Variants in TSGA10 observed in about 807,000 individuals in gnomAD.
TSGA10 encodes testis specific 10.
A neutral mutation model predicts 96.6 loss-of-function variants in TSGA10; 43 were observed. The ratio of observed to expected loss-of-function variants is 0.44; its 90% confidence interval spans 0.35 to 0.57. TSGA10 has a LOEUF of 0.57. Ranked by LOEUF, TSGA10 falls within the 20% of genes least tolerant of loss-of-function variation. The pLI, the probability that TSGA10 is intolerant of heterozygous loss-of-function variation, is 0.01. For missense variants in TSGA10, 703 were observed against 834.4 expected, an observed-to-expected ratio of 0.84 and a Z score of 1.94; for synonymous variants, 229 against 269.9, an observed-to-expected ratio of 0.85 and a Z score of 1.48.
intron 12 of TSGA10, among the ~76,000 whole-genome samples, chr2:99,077,127 CTTTTTTTTT>C (rs35876721): frequency 4.8e-4 from 34 of 70,456 alleles, no homozygotes; most frequent in African/African-American, 1.8e-3. Context: ...GACCATTCAC[CTTTTTTTTT>C]TTTTTTTTTT....
At chr2:99,074,309 C>T (rs115223310) in intron 12 of TSGA10, among the ~76,000 whole-genome samples, 2,781 of 150,944 alleles carry the variant, frequency 0.018, 91 homozygotes, top group African/African-American at 0.065. Context: ...CCACTGCGCC[C>T]GGCCGTTCCT....
chr2:99,033,723 C>T (rs917933657), intron 17 of TSGA10, among the ~76,000 whole-genome samples: 4 of 151,916 alleles, frequency 2.6e-5, no homozygotes, highest in African/African-American at 9.7e-5. Flanking sequence ...ACCTGTAATC[C>T]CAGCTACTTG....
intron 1 of TSGA10, among the ~76,000 whole-genome samples, chr2:99,127,754 T>C (rs2092904812): frequency 6.6e-6 from 1 of 152,142 alleles, no homozygotes; most frequent in African/African-American, 2.4e-5. Flanking sequence ...CAAAGATCAG[T>C]AACATGGATA....
intron 20 of TSGA10, among the ~76,000 whole-genome samples, chr2:99,002,416 T>C (rs1432675774): frequency 6.6e-6 from 1 of 152,162 alleles, no homozygotes; most frequent in Non-Finnish European, 1.5e-5. Flanking sequence ...AATAAAATAC[T>C]TTACAGACAA....
At chr2:99,032,926 T>C (rs1280258111) in intron 17 of TSGA10, among the ~76,000 whole-genome samples, 1 of 152,188 alleles carries the variant, frequency 6.6e-6, no homozygotes, top group African/African-American at 2.4e-5. Flanking sequence ...CTTGTTTCTG[T>C]GTGATATATT....
intron 10 of TSGA10, chr2:99,102,255 G>T: frequency 6.2e-7 from 1 of 1,612,792 alleles, no homozygotes; most frequent in Non-Finnish European, 8.5e-7. Flanking sequence ...TGGTGGCAAA[G>T]CTACTTTGGT....
chr2:99,071,765 A>G lies in TSGA10; in HGVS notation c.1048T>C (p.Leu350=). 1 of 1,614,014 alleles carries G rather than the reference A, an allele frequency of 6.2e-7. No individual in the cohort carries two copies. The highest frequency in any genetic ancestry group is 1.3e-5 in the African/African-American group (1 of 75,028). Residue 350 remains leucine (L), a synonymous_variant, in exon 14 of 21, where the codon TTG becomes CTG. Coordinates refer to ENST00000393483, the MANE Select transcript of TSGA10 (RefSeq NM_025244.4). ...LAQIARERDI[L]AHDNDNLQEQ... The stretch of plus-strand genomic sequence containing the variant: ...TGGAGATTGTCATTGTCATGAGCCA[A>G]GATATCTCTTTCCCTGGCGATCTGG...
At chr2:99,094,561 AC>A (rs1395469409) in intron 10 of TSGA10, among the ~76,000 whole-genome samples, 1 of 152,236 alleles carries the variant, frequency 6.6e-6, no homozygotes, top group Non-Finnish European at 1.5e-5. Flanking sequence ...CAATAAAAAA[AC>A]AAACAATCCC....
At chr2:99,109,013 G>A in intron 6 of TSGA10, 22 bp from the exon 7 acceptor site, 1 of 1,468,474 alleles carries the variant, frequency 6.8e-7, no homozygotes. Flanking sequence ...TAAGGAATTT[G>A]AAATCTTCTT....
At chr2:99,046,594 G>C (rs564645535) in intron 16 of TSGA10, among the ~76,000 whole-genome samples, 1 of 152,280 alleles carries the variant, frequency 6.6e-6, no homozygotes, top group Admixed American at 6.5e-5. Context: ...GAAATTTATA[G>C]CATTAAATGC....
intron 20 of TSGA10, among the ~76,000 whole-genome samples, chr2:99,010,509 T>C (rs906352946): frequency 3.3e-5 from 5 of 152,184 alleles, no homozygotes; most frequent in African/African-American, 1.2e-4. Context: ...TTTAACCTTA[T>C]CTAGAGATGA....
intron 1 of TSGA10, among the ~76,000 whole-genome samples, chr2:99,144,001 T>C (rs1037955801): frequency 1.3e-5 from 2 of 149,340 alleles, no homozygotes; most frequent in Non-Finnish European, 3.0e-5. Context: ...GTTCCACAGC[T>C]CACTGATGCT....
chr2:99,140,637 A>AT (rs1169170647), intron 1 of TSGA10, among the ~76,000 whole-genome samples: 7 of 152,016 alleles, frequency 4.6e-5, no homozygotes, highest in African/African-American at 1.7e-4. Context: ...ATTATCTGAG[A>AT]TTTTCATGCA....
At position 99,071,807 on chromosome 2, in the gene TSGA10, T is replaced by A; in HGVS notation, c.1006A>T (p.Thr336Ser). ...VSRMRRQLDE[T>S]NDELAQIARE... ...GCGATCTGGGCCAGCTCATCATTTGTCTCATCCAATTGCCGACGCATTCTG... is the reference window on the plus strand; with the variant it reads ...GCGATCTGGGCCAGCTCATCATTTGACTCATCCAATTGCCGACGCATTCTG... Residue 336 changes from threonine to serine, a missense_variant, in exon 14 of 21, where the codon ACA (threonine) becomes TCA (serine). Coordinates refer to ENST00000393483, the MANE Select transcript of TSGA10 (RefSeq NM_025244.4). 1 of 1,614,080 alleles carries A rather than the reference T, an allele frequency of 6.2e-7. No individual in the cohort carries two copies. The highest frequency in any genetic ancestry group is 8.5e-7 in the Non-Finnish European group (1 of 1,179,928).
Position 99,018,590 on chromosome 2 carries a change from A to T in TSGA10, c.1868T>A (p.Leu623Ter). 1 of 1,614,074 alleles carries T rather than the reference A, an allele frequency of 6.2e-7. No individual in the cohort carries two copies. Among genetic ancestry groups the T allele is most frequent in the Non-Finnish European group, 8.5e-7 (1 of 1,179,986 alleles). The change falls in exon 19 of 21, where the codon TTG (leucine) becomes TAG (stop). Residue 623 changes from leucine (L) to a stop codon, truncating the protein, a stop_gained. Transcript: ENST00000393483. LOFTEE classifies it high-confidence loss of function. ...VAQFRNVVTQ[L>*]EADLDITKRQ... ...TTTGGTAATGTCTAAATCAGCTTCCAATTGTGTGACAACATTTCTGAACTG... is the reference window on the plus strand; with the variant it reads ...TTTGGTAATGTCTAAATCAGCTTCCTATTGTGTGACAACATTTCTGAACTG...
chr2:99,075,296 GGATGTA>G (rs2086568601), intron 12 of TSGA10, among the ~76,000 whole-genome samples: 1 of 151,962 alleles, frequency 6.6e-6, no homozygotes, highest in Admixed American at 6.6e-5. Context: ...GTCCAACTAG[GGATGTA>G]GATTCATGTT....
At chr2:99,047,719 A>G (rs1178425776) in intron 16 of TSGA10, among the ~76,000 whole-genome samples, 1 of 152,344 alleles carries the variant, frequency 6.6e-6, no homozygotes, top group Non-Finnish European at 1.5e-5. Flanking sequence ...AGTTCTGGCC[A>G]GGGCAATCAG....
At chr2:99,080,128 CTTCTA>C (rs2087262905) in intron 11 of TSGA10, among the ~76,000 whole-genome samples, 1 of 152,116 alleles carries the variant, frequency 6.6e-6, no homozygotes, top group Non-Finnish European at 1.5e-5. Context: ...TCTTGAGAGA[CTTCTA>C]TTCTTTTCTG....
chr2:99,022,348 A>C (rs887397554), intron 17 of TSGA10, among the ~76,000 whole-genome samples: 4 of 150,838 alleles, frequency 2.7e-5, no homozygotes, highest in Non-Finnish European at 5.9e-5. Flanking sequence ...AAAAAAAAAA[A>C]AAAACACCCA....
Sources: allele counts gnomAD v4.1 joint callset (sites outside exome capture counted in the v4.1 genomes callset), GRCh38; gene constraint gnomAD v4.1.1; transcripts MANE v1.5; gene names NCBI Gene and HGNC (gene_info 2026-07-23, HGNC 2026-07-21).